Variants in NAALADL2 observed in about 807,000 individuals in gnomAD.
NAALADL2 encodes inactive N-acetylated-alpha-linked acidic dipeptidase-like protein 2.
A neutral mutation model predicts 87.2 loss-of-function variants in NAALADL2; 76 were observed. The observed-to-expected ratio is 0.87, with a 90% CI of 0.72 to 1.05. The LOEUF is 1.05. Ranked by LOEUF, NAALADL2 falls within the 50% of genes least tolerant of loss-of-function variation. NAALADL2 has a pLI of 0.00. For synonymous variants in NAALADL2, 354 were observed against 331.0 expected, an observed-to-expected ratio of 1.07 and a Z score of -0.75; for missense variants, 1,089 against 945.8, an observed-to-expected ratio of 1.15 and a Z score of -1.99.
At chr3:174,964,306 C>T (rs184270538) in intron 1 of NAALADL2, among the ~76,000 whole-genome samples, 2 of 152,104 alleles carry the variant, frequency 1.3e-5, no homozygotes, top group South Asian at 2.1e-4. Context: ...ATCAAGAGTT[C>T]TTTGGACATG....
intron 4 of NAALADL2, among the ~76,000 whole-genome samples, chr3:175,262,266 A>C (rs984846852): frequency 2.0e-5 from 3 of 151,982 alleles, no homozygotes; most frequent in African/African-American, 7.2e-5. Flanking sequence ...GCATTTGCAT[A>C]CCTGTGATAT....
intron 1 of NAALADL2, among the ~76,000 whole-genome samples, chr3:174,894,128 G>GGTTA (rs1731207412): frequency 6.6e-6 from 1 of 151,948 alleles, no homozygotes; most frequent in Admixed American, 6.6e-5. Context: ...ATGTTAAAGG[G>GGTTA]GTTAATTCAG....
At chr3:174,681,157 A>C (rs1347766743) in intron 2 of NAALADL2, among the ~76,000 whole-genome samples, 4 of 152,198 alleles carry the variant, frequency 2.6e-5, no homozygotes, top group African/African-American at 9.7e-5. Context: ...GCACCCAGCC[A>C]GAGGGGTATC....
intron 5 of NAALADL2, among the ~76,000 whole-genome samples, chr3:175,351,070 T>A (rs1330988961): frequency 6.6e-6 from 1 of 152,178 alleles, no homozygotes; most frequent in African/African-American, 2.4e-5. Context: ...GACTTTAATA[T>A]GTTCAGTAAA....
At chr3:174,869,171 T>C (rs1476158121) in intron 1 of NAALADL2, among the ~76,000 whole-genome samples, 1 of 151,830 alleles carries the variant, frequency 6.6e-6, no homozygotes, top group Non-Finnish European at 1.5e-5. Flanking sequence ...TGAGAAAGAA[T>C]ACAACTGGAG....
intron 3 of NAALADL2, among the ~76,000 whole-genome samples, chr3:174,773,905 G>T (rs1007712861): frequency 2.6e-5 from 4 of 152,038 alleles, no homozygotes; most frequent in African/African-American, 7.2e-5. Flanking sequence ...GGAGTAATGA[G>T]CACATTTCTC....
At chr3:175,475,024 T>TACAC (rs3040495) in intron 9 of NAALADL2, among the ~76,000 whole-genome samples, 72,410 of 149,546 alleles carry the variant, frequency 0.48, 18,894 homozygotes, top group East Asian at 0.61. Flanking sequence ...AACATTTAAG[T>TACAC]ACACACACAC....
At chr3:175,045,220 C>G (rs1754527886) in intron 1 of NAALADL2, among the ~76,000 whole-genome samples, 1 of 152,078 alleles carries the variant, frequency 6.6e-6, no homozygotes, top group Admixed American at 6.6e-5. Flanking sequence ...AAGTTTAAGT[C>G]TAACTTTCAT....
At chr3:175,703,079 A>C (rs1201921647) in intron 11 of NAALADL2, among the ~76,000 whole-genome samples, 1 of 152,128 alleles carries the variant, frequency 6.6e-6, no homozygotes, top group African/African-American at 2.4e-5. Flanking sequence ...CATCATCTGA[A>C]AGCTTAGAAA....
At chr3:175,605,653 T>C (rs889201512) in intron 10 of NAALADL2, among the ~76,000 whole-genome samples, 14 of 142,268 alleles carry the variant, frequency 9.8e-5, no homozygotes, top group African/African-American at 3.3e-4. Context: ...TTTTTTTTTT[T>C]TTTAACTGTA....
intron 3 of NAALADL2, among the ~76,000 whole-genome samples, chr3:174,811,171 C>T (rs545094265): frequency 6.6e-6 from 1 of 151,750 alleles, no homozygotes; most frequent in Admixed American, 6.6e-5. Context: ...TAGGCCAGTA[C>T]AGAAGGGAAA....
intron 11 of NAALADL2, among the ~76,000 whole-genome samples, chr3:175,699,918 T>G (rs1419742261): frequency 6.6e-6 from 1 of 152,110 alleles, no homozygotes; most frequent in Admixed American, 6.6e-5. Context: ...GATTCAAAGA[T>G]GTGGCAGAAA....
At chr3:175,323,884 G>A (rs1256109690) in intron 4 of NAALADL2, among the ~76,000 whole-genome samples, 2 of 151,510 alleles carry the variant, frequency 1.3e-5, no homozygotes, top group Non-Finnish European at 2.9e-5. Context: ...CGGGTGTGGT[G>A]GCAGGCGCCT....
At chr3:175,013,018 ATATAAAT>A (rs1750068255) in intron 1 of NAALADL2, among the ~76,000 whole-genome samples, 1 of 111,458 alleles carries the variant, frequency 9.0e-6, no homozygotes, top group African/African-American at 3.1e-5. Flanking sequence ...CATATATAAT[ATATAAAT>A]ATATATAAAT....
At chr3:175,238,089 A>G (rs1746222330) in intron 3 of NAALADL2, among the ~76,000 whole-genome samples, 1 of 152,126 alleles carries the variant, frequency 6.6e-6, no homozygotes, top group Non-Finnish European at 1.5e-5. Context: ...CTGTGTAACC[A>G]TATCTCTGAG....
At chr3:175,054,348 G>T (rs1429771223) in intron 1 of NAALADL2, among the ~76,000 whole-genome samples, 3 of 152,146 alleles carry the variant, frequency 2.0e-5, no homozygotes, top group East Asian at 3.9e-4. Context: ...GGATAGTAAA[G>T]AAACAGTCTT....
Position 175,497,227 on chromosome 3 carries a change from C to T in NAALADL2, c.1653+25469C>T, listed in dbSNP as rs1582134842. ...GTAGCTGAGACTTACAGGCACCTGC[C>T]ACCACAACTGGCTATCAGACAGCTG... On this transcript the variant is annotated intron_variant, in intron 9 of 13. Transcript: ENST00000454872. 2.6e-5 allele frequency among the ~76,000 whole-genome samples: 4 copies of T among 152,080 alleles called. No individual in the cohort carries two copies. In the South Asian group the frequency reaches 8.3e-4, roughly 32 times the overall value.
chr3:175,313,478 C>T (rs113728447), intron 4 of NAALADL2, among the ~76,000 whole-genome samples: 26 of 152,214 alleles, frequency 1.7e-4, no homozygotes, highest in African/African-American at 6.0e-4. Flanking sequence ...CAAGCTTTTC[C>T]GTTTGGTTCT....
chr3:175,033,368 T>C (rs578114663), intron 1 of NAALADL2, among the ~76,000 whole-genome samples: 1 of 152,258 alleles, frequency 6.6e-6, no homozygotes, highest in African/African-American at 2.4e-5. Flanking sequence ...TCCTTCCTCA[T>C]GAACAGATGA....
Sources: allele counts gnomAD v4.1 joint callset (sites outside exome capture counted in the v4.1 genomes callset), GRCh38; gene constraint gnomAD v4.1.1; transcripts MANE v1.5; gene names NCBI Gene and HGNC (gene_info 2026-07-23, HGNC 2026-07-21).